Variants in RBFOX1 observed in about 807,000 individuals in gnomAD.
RBFOX1 encodes the protein RNA binding fox-1 homolog 1.
In RBFOX1, 8 loss-of-function variants were observed where a neutral mutation model predicts 57.7. That is an observed-to-expected ratio of 0.14 (90% CI 0.08 to 0.25). The LOEUF (loss-of-function observed/expected upper bound fraction) is 0.25. RBFOX1 is among the 10% of genes least tolerant of loss of function. RBFOX1 has a pLI of 1.00. For missense variants in RBFOX1, 611 were observed against 548.5 expected (o/e 1.11, Z -1.14); for synonymous variants, 326 against 222.4 (o/e 1.47, Z -4.15).
intron 2 of RBFOX1, among the ~76,000 whole-genome samples, chr16:6,435,753 T>A (rs2094215886): frequency 6.6e-6 from 1 of 152,176 alleles, no homozygotes; most frequent in Non-Finnish European, 1.5e-5. Flanking sequence ...TTATGGCACC[T>A]GGGACACAAT....
chr16:6,023,711 A>G (rs1370367742), intron 1 of RBFOX1, among the ~76,000 whole-genome samples: 1 of 152,240 alleles, frequency 6.6e-6, no homozygotes, highest in Non-Finnish European at 1.5e-5. Context: ...CACAGTAAGC[A>G]TCATCCACAA....
intron 3 of RBFOX1, among the ~76,000 whole-genome samples, chr16:5,818,250 GT>G (rs2055715649): frequency 6.6e-6 from 1 of 152,152 alleles, no homozygotes; most frequent in African/African-American, 2.4e-5. Context: ...ACCGTCATCA[GT>G]TTTGCATATG....
chr16:6,448,512 G>C (rs1049272405), intron 2 of RBFOX1, among the ~76,000 whole-genome samples: 1 of 152,002 alleles, frequency 6.6e-6, no homozygotes, highest in African/African-American at 2.4e-5. Flanking sequence ...ATTTATTTTA[G>C]GTATGGACAT....
chr16:5,289,864 T>C (rs1385087286), intron 1 of RBFOX1, among the ~76,000 whole-genome samples: 1 of 152,244 alleles, frequency 6.6e-6, no homozygotes, highest in African/African-American at 2.4e-5. Context: ...GACCCAGCAC[T>C]TCTACTCCAG....
At chr16:7,350,054 G>T (rs1246211654) in intron 4 of RBFOX1, among the ~76,000 whole-genome samples, 1 of 152,126 alleles carries the variant, frequency 6.6e-6, no homozygotes, top group Non-Finnish European at 1.5e-5. Flanking sequence ...GGCTGAGGTG[G>T]GAGAATCACT....
At chr16:7,611,894 C>G (rs745312136) in intron 10 of RBFOX1, among the ~76,000 whole-genome samples, 1 of 152,198 alleles carries the variant, frequency 6.6e-6, no homozygotes, top group African/African-American at 2.4e-5. Context: ...GATACACATA[C>G]ATCAGCACAT....
rs2096403370 is a variant in RBFOX1, at chr16:6,517,481, T to G, written c.-63-137122T>G. Among the ~76,000 whole-genome samples the G allele has an allele frequency of 2.6e-5, 4 of 152,126 alleles. No individual in the cohort carries two copies. In the South Asian group the frequency reaches 8.3e-4, roughly 32 times the overall value. On this transcript the variant is annotated intron_variant, in intron 2 of 15. Transcript: ENST00000550418. The stretch of plus-strand genomic sequence containing the variant: ...AATTCCCATTTCTGATACCAGTGTC[T>G]CCTGTCTCCCAGCTGGCTTCTCTTT...
intron 4 of RBFOX1, among the ~76,000 whole-genome samples, chr16:7,273,599 C>A (rs1474573581): frequency 1.3e-5 from 2 of 152,158 alleles, no homozygotes; most frequent in African/African-American, 2.4e-5. Context: ...AAACAAGATA[C>A]TTACCTCCCA....
intron 3 of RBFOX1, among the ~76,000 whole-genome samples, chr16:6,801,313 T>C (rs1046255687): frequency 6.6e-6 from 1 of 151,868 alleles, no homozygotes; most frequent in African/African-American, 2.4e-5. Flanking sequence ...GGATCTACAG[T>C]TGAGAGAGAA....
chr16:6,610,513 A>G (rs1375735691), intron 2 of RBFOX1, among the ~76,000 whole-genome samples: 3 of 152,076 alleles, frequency 2.0e-5, no homozygotes, highest in Admixed American at 6.6e-5. Flanking sequence ...TACTTTTTGT[A>G]GAGATGAGGA....
In RBFOX1 at chr16:6,837,017, C is replaced by G. The variant is rs565061919; in HGVS notation, c.-16+182367C>G. ...CATAGCTTCTCACGGATGAACACAC[C>G]TATTTACTCGGCTTTTACAGTAAGC... is the stretch of plus-strand genomic sequence containing the variant. On this transcript the variant is annotated intron_variant, in intron 3 of 15. Transcript: ENST00000550418. Among the ~76,000 whole-genome samples, 10 of 152,202 alleles carry G rather than the reference C, an allele frequency of 6.6e-5. No homozygotes were observed. The Middle Eastern group carries it at 0.017, about 259-fold the overall frequency.
intron 3 of RBFOX1, among the ~76,000 whole-genome samples, chr16:5,654,946 C>T (rs1455522346): frequency 6.6e-6 from 1 of 151,990 alleles, no homozygotes; most frequent in African/African-American, 2.4e-5. Flanking sequence ...CAGGACAGCT[C>T]CCCCCCAGCA....
intron 1 of RBFOX1, among the ~76,000 whole-genome samples, chr16:5,371,805 A>T (rs1041752167): frequency 3.9e-5 from 6 of 152,176 alleles, no homozygotes; most frequent in African/African-American, 1.4e-4. Flanking sequence ...TGGGCTGCAG[A>T]TACCCATGCT....
rs538474296 is a variant in RBFOX1 at position 7,302,710 on chromosome 16, G to A, written c.28-215437G>A. On this transcript the variant is annotated intron_variant, in intron 4 of 15. Transcript: ENST00000550418. Reference sequence around the variant, plus strand: ...AAATATGGCTACTCTTCCTGATCACGATTTTATTGCTGCCAAGAATGCAAG... The same window carrying A: ...AAATATGGCTACTCTTCCTGATCACAATTTTATTGCTGCCAAGAATGCAAG... Among the ~76,000 whole-genome samples, 11 of 146,796 alleles carry A rather than the reference G, an allele frequency of 7.5e-5. No homozygotes were observed. The East Asian group carries it at 1.6e-3, about 21-fold the overall frequency.
Position 6,716,605 on chromosome 16 carries a change from C to T in RBFOX1, c.-16+61955C>T, listed in dbSNP as rs529292878. On this transcript the variant is annotated intron_variant, in intron 3 of 15. Transcript: ENST00000550418. ...GAATCTTTCAGGCGATTGCCTGAGT[C>T]CTTCTTACAGACAGGACTAACACTC... Among the ~76,000 whole-genome samples the T allele has an allele frequency of 2.6e-5, 4 of 152,352 alleles. No homozygotes were observed. In the South Asian group the frequency reaches 8.3e-4, roughly 32 times the overall value.
chr16:7,432,160 G>T (rs922144533), intron 4 of RBFOX1, among the ~76,000 whole-genome samples: 2 of 152,250 alleles, frequency 1.3e-5, no homozygotes, highest in Non-Finnish European at 2.9e-5. Flanking sequence ...AGGGGTGCCT[G>T]CTGGCACCCA....
rs542806981 is a variant in RBFOX1, at chr16:6,834,107, C to T, written c.-16+179457C>T. ...TGAGGCGGAGTCTCCCTCTTTCGCCCGGGCTGGTGTGCAGTGGTGTGATCT... is the reference window on the plus strand; with the variant it reads ...TGAGGCGGAGTCTCCCTCTTTCGCCTGGGCTGGTGTGCAGTGGTGTGATCT... On this transcript the variant is annotated intron_variant, in intron 3 of 15. Transcript: ENST00000550418. Among the ~76,000 whole-genome samples, 10 of 152,020 alleles carry T rather than the reference C, an allele frequency of 6.6e-5. No individual in the cohort carries two copies. In the East Asian group the frequency reaches 1.2e-3, roughly 18 times the overall value.
intron 8 of RBFOX1, among the ~76,000 whole-genome samples, chr16:7,597,062 G>T (rs781296548): frequency 6.6e-6 from 1 of 152,112 alleles, no homozygotes; most frequent in South Asian, 2.1e-4. Context: ...TTACCATGGA[G>T]TACACGCATG....
intron 4 of RBFOX1, among the ~76,000 whole-genome samples, chr16:7,412,762 A>G (rs528210097): frequency 1.9e-3 from 290 of 152,214 alleles, no homozygotes; most frequent in African/African-American, 6.6e-3. Flanking sequence ...TGGAATTACG[A>G]CTGGGCATGG....
Sources: allele counts gnomAD v4.1 joint callset (sites outside exome capture counted in the v4.1 genomes callset), GRCh38; gene constraint gnomAD v4.1.1; transcripts MANE v1.5; gene names NCBI Gene and HGNC (gene_info 2026-07-23, HGNC 2026-07-21).